MED12L: variants seen among roughly 807,000 people sequenced by gnomAD.
The protein encoded by MED12L is mediator of RNA polymerase II transcription subunit 12-like protein.
MED12L carries 60 observed loss-of-function variants against 281.3 expected under a neutral mutation model. That is an observed-to-expected ratio of 0.21 (90% CI 0.17 to 0.26). The LOEUF (loss-of-function observed/expected upper bound fraction) is 0.26, where lower values mean the gene tolerates loss of function less well. MED12L is among the 10% of genes least tolerant of loss of function. The pLI is 1.00. For synonymous variants in MED12L, 974 were observed against 987.2 expected, an observed-to-expected ratio of 0.99 and a Z score of 0.25; for missense variants, 2,146 against 2,680.9, an observed-to-expected ratio of 0.80 and a Z score of 4.41.
intron 2 of MED12L, among the ~76,000 whole-genome samples, chr3:151,105,515 G>A (rs1721903187): frequency 6.6e-6 from 1 of 152,132 alleles, no homozygotes; most frequent in Non-Finnish European, 1.5e-5. Flanking sequence ...CTCCCTTTGG[G>A]AAGCAGTTTC....
At chr3:151,132,353 T>G (rs1019146571) in intron 5 of MED12L, among the ~76,000 whole-genome samples, 86 of 152,368 alleles carry the variant, frequency 5.6e-4, no homozygotes, top group Middle Eastern at 3.4e-3. Flanking sequence ...GTCATGTTTT[T>G]TTAGTTGTCT....
At chr3:151,259,387 C>T (rs1738448733) in intron 16 of MED12L, among the ~76,000 whole-genome samples, 1 of 152,086 alleles carries the variant, frequency 6.6e-6, no homozygotes, top group Admixed American at 6.6e-5. Context: ...TTTTATTCAC[C>T]AAATGCTTAA....
chr3:151,144,036 C>T (rs1340805809), intron 5 of MED12L, among the ~76,000 whole-genome samples: 3 of 152,170 alleles, frequency 2.0e-5, no homozygotes, highest in Non-Finnish European at 2.9e-5. Flanking sequence ...TAATTTCAGA[C>T]TGCTATCTCA....
chr3:151,413,068 G>A, intron 41 of MED12L, 71 bp from the exon 42 acceptor site: 1 of 1,527,866 alleles, frequency 6.5e-7, no homozygotes, highest in Non-Finnish European at 8.9e-7. Flanking sequence ...TGTATGTCAT[G>A]TGCTGGTAGC....
intron 5 of MED12L, among the ~76,000 whole-genome samples, chr3:151,148,828 A>G (rs1019818542): frequency 1.3e-5 from 2 of 152,266 alleles, no homozygotes; most frequent in Non-Finnish European, 2.9e-5. Flanking sequence ...ATAAAAACCT[A>G]TACATACACA....
intron 16 of MED12L, among the ~76,000 whole-genome samples, chr3:151,300,740 T>G (rs1036488112): frequency 2.6e-5 from 4 of 152,230 alleles, no homozygotes; most frequent in Admixed American, 6.5e-5. Context: ...CCTCATTCTG[T>G]CCAATCACAA....
chr3:151,297,727 A>G (rs1745295892), intron 16 of MED12L, among the ~76,000 whole-genome samples: 1 of 152,186 alleles, frequency 6.6e-6, no homozygotes, highest in African/African-American at 2.4e-5. Context: ...ATATATCATT[A>G]TAATATTTTA....
chr3:151,173,540 TC>T, intron 11 of MED12L, among the ~76,000 whole-genome samples: 1 of 152,338 alleles, frequency 6.6e-6, no homozygotes, highest in South Asian at 2.1e-4. Context: ...GATGGAATAA[TC>T]TATTAATTTT....
chr3:151,298,942 A>G (rs1028200884), intron 16 of MED12L, among the ~76,000 whole-genome samples: 10 of 152,212 alleles, frequency 6.6e-5, no homozygotes, highest in Non-Finnish European at 1.2e-4. Context: ...AGAAAGTTCT[A>G]TTTGACAATG....
intron 43 of MED12L, among the ~76,000 whole-genome samples, chr3:151,420,341 G>A (rs2108418428): frequency 6.6e-6 from 1 of 152,282 alleles, no homozygotes; most frequent in East Asian, 1.9e-4. Flanking sequence ...TGTCCAGGTG[G>A]CAATCTTAAT....
intron 16 of MED12L, among the ~76,000 whole-genome samples, chr3:151,308,400 A>T (rs538135882): frequency 6.6e-6 from 1 of 152,240 alleles, no homozygotes; most frequent in East Asian, 1.9e-4. Context: ...TATAAATTCC[A>T]TATAGGTAAC....
At chr3:151,279,680 A>C (rs371424698) in intron 16 of MED12L, among the ~76,000 whole-genome samples, 1 of 152,212 alleles carries the variant, frequency 6.6e-6, no homozygotes, top group African/African-American at 2.4e-5. Flanking sequence ...GAGATCTGGT[A>C]GGTAAATAAA....
rs147188000 is a variant in MED12L at position 151,328,587 on chromosome 3, G to T, written c.2251-21472G>T. ...ATTGAGACCGTTTTTGCAAAAACAG[G>T]TTTTTTTAGAAAAATATTTCTCAAA... On this transcript the variant is annotated intron_variant, in intron 16 of 44. Coordinates refer to ENST00000687756, the MANE Select transcript of MED12L (RefSeq NM_001393769.1). The T allele has an allele frequency of 8.1e-6, 13 of 1,613,396 alleles. No homozygotes were observed. In the African/African-American group the frequency reaches 1.5e-4, roughly 18 times the overall value.
intron 5 of MED12L, among the ~76,000 whole-genome samples, chr3:151,131,341 C>T (rs1173977064): frequency 6.6e-6 from 1 of 152,156 alleles, no homozygotes; most frequent in African/African-American, 2.4e-5. Context: ...TGGCTCATGC[C>T]TATAATCCCA....
chr3:151,221,455 T>C (rs1181905773), intron 16 of MED12L, among the ~76,000 whole-genome samples: 1 of 152,182 alleles, frequency 6.6e-6, no homozygotes, highest in African/African-American at 2.4e-5. Flanking sequence ...ATCGCAGGCC[T>C]GGAGGCCTAG....
rs777117744 is a variant in MED12L at position 151,294,415 on chromosome 3, AAAAGT to A, written c.2251-55640_2251-55636del. ...CATCTAAAAGCCTGTCTAAGTGACT[AAAAGT>A]AAAAGGAATTCTGCACAAGTGATAT... On this transcript the variant is annotated intron_variant, in intron 16 of 44. Transcript: ENST00000687756. 4.3e-6 allele frequency: 7 copies of A among 1,613,986 alleles called. No individual in the cohort carries two copies. In the South Asian group the frequency reaches 7.7e-5, roughly 18 times the overall value.
At chr3:151,118,151 A>G (rs1251221379) in intron 3 of MED12L, among the ~76,000 whole-genome samples, 1 of 150,880 alleles carries the variant, frequency 6.6e-6, no homozygotes, top group Non-Finnish European at 1.5e-5. Context: ...GTAATCTTTT[A>G]GGGTTTTTTT....
chr3:151,403,686 C>G (rs924278651), intron 39 of MED12L, among the ~76,000 whole-genome samples: 1 of 152,072 alleles, frequency 6.6e-6, no homozygotes, highest in African/African-American at 2.4e-5. Context: ...AACATAAACC[C>G]AAGAAGCATT....
intron 1 of MED12L, chr3:151,086,437 C>T (rs1288317556): frequency 6.6e-6 from 1 of 151,604 alleles, no homozygotes; most frequent in Non-Finnish European, 1.5e-5. Context: ...GCCACCCTCG[C>T]CTTGGGCGAG....
Sources: gnomAD v4.1 joint callset for allele counts (sites outside exome capture counted in the v4.1 genomes callset) on GRCh38, gnomAD v4.1.1 for gene constraint, MANE v1.5 for transcripts, NCBI Gene and HGNC (gene_info 2026-07-23, HGNC 2026-07-21) for gene names.